TASOR: variants seen among roughly 807,000 people sequenced by gnomAD.
The protein encoded by TASOR is protein TASOR.
Under a neutral mutation model 178.6 loss-of-function variants are expected in TASOR, and 53 were observed. The observed-to-expected ratio is 0.30, with a 90% CI of 0.24 to 0.37. TASOR has a LOEUF of 0.37. Ranked by LOEUF, TASOR falls within the 10% of genes least tolerant of loss-of-function variation. The pLI is 1.00. For missense variants in TASOR, 1,815 were observed against 1,971.4 expected, an observed-to-expected ratio of 0.92 and a Z score of 1.50; for synonymous variants, 713 against 696.2, an observed-to-expected ratio of 1.02 and a Z score of -0.38.
At chr3:56,673,971 C>A (rs978464141) in intron 1 of TASOR, among the ~76,000 whole-genome samples, 3 of 152,000 alleles carry the variant, frequency 2.0e-5, no homozygotes, top group Non-Finnish European at 4.4e-5. Flanking sequence ...AAGGAAGGTG[C>A]AATTTTGCAA....
chr3:56,657,760 C>T (rs953540), intron 11 of TASOR, among the ~76,000 whole-genome samples: 28,186 of 152,126 alleles, frequency 0.19, 3,444 homozygotes, highest in South Asian at 0.41. Flanking sequence ...GAGGGCTAAA[C>T]AAATGGCTCC....
In TASOR at chr3:56,627,533, G is replaced by C. The variant is rs749012596; in HGVS notation, c.4030+49C>G. On this transcript the variant is annotated intron_variant, in intron 20 of 23. Coordinates refer to ENST00000683822, the MANE Select transcript of TASOR (RefSeq NM_001365635.2). ...GAATAAATGGACAGTACATTAAAAA[G>C]TATGAGAGTCAGAAGAGGAGTTACG... is the stretch of plus-strand genomic sequence containing the variant. 7.6e-5 allele frequency: 120 copies of C among 1,588,408 alleles called. 1 individual carries two copies. The East Asian group carries it at 2.6e-3, about 35-fold the overall frequency.
intron 11 of TASOR, among the ~76,000 whole-genome samples, chr3:56,656,602 C>A (rs4681964): frequency 0.61 from 91,312 of 150,752 alleles, 29,889 homozygotes; most frequent in East Asian, 0.95. Context: ...CGCCCCCCCC[C>A]AAAAAAAGAA....
intron 21 of TASOR, among the ~76,000 whole-genome samples, chr3:56,626,111 A>G (rs1276591627): frequency 6.6e-6 from 1 of 152,218 alleles, no homozygotes; most frequent in Non-Finnish European, 1.5e-5. Flanking sequence ...TGATTGACAC[A>G]ATGTAAATTC....
rs147345660 is a variant in TASOR, at chr3:56,623,399, A to G, written c.4651T>C (p.Ser1551Pro). 332 of 1,613,576 alleles carry G rather than the reference A, an allele frequency of 2.1e-4. No homozygotes were observed. The highest frequency in any genetic ancestry group is 2.7e-4 in the Non-Finnish European group (323 of 1,179,946). Residue 1551 changes from serine (S) to proline (P), a missense_variant, in exon 24 of 24, where the codon TCG (serine) becomes CCG (proline). Around this residue, in one of 5 missense-constraint regions of TASOR, gnomAD observed 278 missense variants for 257.1 expected, o/e 1.08. Coordinates refer to ENST00000683822, the MANE Select transcript of TASOR (RefSeq NM_001365635.2). ...QKKNTQIELQ[S>P]SPDVQNSLLE... is the part of the protein sequence containing the mutation. ...AAACTGTTTTGCACATCAGGAGACG[A>G]TTGCAACTCAATTTGAGTATTCTTT...
chr3:56,679,008 C>CAAAAAAAA (rs5849163), intron 1 of TASOR, among the ~76,000 whole-genome samples: 2 of 116,796 alleles, frequency 1.7e-5, no homozygotes, highest in Non-Finnish European at 3.8e-5. Flanking sequence ...GCTCTGACTC[C>CAAAAAAAA]AAAAAAAAAA....
rs774461389 is a variant in TASOR at position 56,682,843 on chromosome 3, GCGC to G, written c.161_163del (p.Gly54del). 11 of 1,550,476 alleles carry G rather than the reference GCGC, an allele frequency of 7.1e-6. No individual in the cohort carries two copies. The highest frequency in any genetic ancestry group is 9.6e-6 in the Non-Finnish European group (11 of 1,146,544). Reference sequence around the variant, plus strand: ...GGCCCCCGCGTTCTCCTCACGCCCAGCGCCGCCGCTGGGCTCAGCGATGTTGAG... The same window carrying G: ...GGCCCCCGCGTTCTCCTCACGCCCAGCGCCGCTGGGCTCAGCGATGTTGAG... On this transcript the variant is annotated inframe_deletion, in exon 1 of 24. Coordinates refer to ENST00000683822, the MANE Select transcript of TASOR (RefSeq NM_001365635.2).
chr3:56,664,971 T>C (rs937524766), intron 7 of TASOR, among the ~76,000 whole-genome samples: 1 of 152,178 alleles, frequency 6.6e-6, no homozygotes, highest in South Asian at 2.1e-4. Flanking sequence ...GGCCAGGAGT[T>C]TGAGACCAGC....
At chr3:56,681,441 C>T (rs1319001243) in intron 1 of TASOR, among the ~76,000 whole-genome samples, 1 of 152,182 alleles carries the variant, frequency 6.6e-6, no homozygotes, top group African/African-American at 2.4e-5. Context: ...TCATCTTTGT[C>T]AACATGGTTT....
intron 11 of TASOR, 47 bp from the exon 12 acceptor site, chr3:56,649,104 T>G: frequency 7.0e-7 from 1 of 1,433,166 alleles, no homozygotes; most frequent in Non-Finnish European, 9.6e-7. Context: ...TTATTATTAT[T>G]CACCATAAGG....
intron 6 of TASOR, 53 bp from the exon 7 acceptor site, chr3:56,666,437 T>A (rs748701771): frequency 2.2e-6 from 3 of 1,341,314 alleles, no homozygotes; most frequent in Non-Finnish European, 2.9e-6. Context: ...AGGTGAAACC[T>A]TATATTTAAC....
At chr3:56,667,565 G>A (rs951109096) in intron 6 of TASOR, among the ~76,000 whole-genome samples, 1 of 152,320 alleles carries the variant, frequency 6.6e-6, no homozygotes, top group Middle Eastern at 3.4e-3. Flanking sequence ...GCTGAGGCAG[G>A]AGAATCATTT....
intron 11 of TASOR, among the ~76,000 whole-genome samples, chr3:56,653,930 A>AT (rs939486052): frequency 5.9e-5 from 9 of 152,188 alleles, no homozygotes; most frequent in African/African-American, 2.2e-4. Context: ...TTTATTGACT[A>AT]TTTTTCTGAC....
intron 23 of TASOR, chr3:56,623,907 A>G (rs918849219): frequency 1.5e-6 from 2 of 1,322,400 alleles, no homozygotes; most frequent in Admixed American, 4.6e-5. Context: ...TTTGACATCT[A>G]GCTTCACTGG....
intron 1 of TASOR, among the ~76,000 whole-genome samples, chr3:56,677,851 T>C (rs1287768935): frequency 6.6e-6 from 1 of 152,204 alleles, no homozygotes; most frequent in Non-Finnish European, 1.5e-5. Context: ...CACCCTTTGT[T>C]TTATAAAGGT....
chr3:56,665,253 C>T (rs942548802), intron 7 of TASOR, among the ~76,000 whole-genome samples: 50 of 152,238 alleles, frequency 3.3e-4, no homozygotes, highest in Non-Finnish European at 4.4e-4. Flanking sequence ...AATGCCTTGA[C>T]TGCCCACTAA....
intron 17 of TASOR, among the ~76,000 whole-genome samples, chr3:56,636,401 G>GTGT (rs1559822300): frequency 6.6e-6 from 1 of 151,816 alleles, no homozygotes; most frequent in Non-Finnish European, 1.5e-5. Flanking sequence ...GGTGGTGGTG[G>GTGT]TGGTGTTGTT....
rs1391645375 is a variant in TASOR at position 56,647,014 on chromosome 3, T to C, written c.1723A>G (p.Met575Val). 6.2e-7 allele frequency: 1 copy of C among 1,602,986 alleles called. No individual in the cohort carries two copies. Among genetic ancestry groups the C allele is most frequent in the Admixed American group, 1.8e-5 (1 of 56,748 alleles). The change falls in exon 14 of 24, where the codon ATG becomes GTG. Residue 575 changes from methionine (M) to valine (V), a missense_variant. Coordinates refer to ENST00000683822, the MANE Select transcript of TASOR (RefSeq NM_001365635.2). ...GFGSGKREFI[M>V]FPYDSRLDDK... ...TCTAATCGTGAATCATATGGAAACA[T>C]AATAAACTCTCGTTTACCTGAACCA...
intron 11 of TASOR, among the ~76,000 whole-genome samples, chr3:56,657,321 T>C (rs1266595926): frequency 1.4e-5 from 2 of 146,774 alleles, no homozygotes; most frequent in African/African-American, 5.1e-5. Context: ...AGCAAGGCTC[T>C]GTCTCGAAAA....
Sources: allele counts gnomAD v4.1 joint callset (sites outside exome capture counted in the v4.1 genomes callset), GRCh38; gene constraint gnomAD v4.1.1; regional missense constraint gnomAD v4.1.1; transcripts MANE v1.5; gene names NCBI Gene and HGNC (gene_info 2026-07-23, HGNC 2026-07-21).